The following MED25 variants were observed in gnomAD, a reference collection of about 807,000 sequenced individuals.
MED25 encodes the protein mediator complex subunit 25.
In MED25, 62 loss-of-function variants were observed where a neutral mutation model predicts 89.4. The ratio of observed to expected loss-of-function variants is 0.69; its 90% CI spans 0.57 to 0.86. MED25 has a LOEUF of 0.86. MED25 is among the 40% of genes least tolerant of loss of function. MED25 has a pLI of 0.00. For synonymous variants in MED25, 449 were observed against 427.9 expected (o/e 1.05, Z -0.61); for missense variants, 905 against 1,005.2 (o/e 0.90, Z 1.35).
rs2074084157 is a variant in MED25 at position 49,834,881 on chromosome 19, A to T, written c.1483-105A>T. On this transcript the variant is annotated intron_variant, in intron 13 of 17. Coordinates refer to ENST00000312865, the MANE Select transcript of MED25 (RefSeq NM_030973.4). This position sits in a 1 kb window ranked among gnomAD's most constrained non-coding sequence, Gnocchi z 4.1. ...CTTAACCTTCTATAGCAGAAACCTCACCTCACCTTGCCTGTGGGGCCTCTA... is the reference window on the plus strand; with the variant it reads ...CTTAACCTTCTATAGCAGAAACCTCTCCTCACCTTGCCTGTGGGGCCTCTA... 1.7e-6 allele frequency: 2 copies of T among 1,190,986 alleles called. No homozygotes were observed. The highest frequency in any genetic ancestry group is 2.5e-6 in the Non-Finnish European group (2 of 805,160). 73.8% of individuals were successfully genotyped at this position (1,190,986 alleles called of 1,614,324 possible). A position where few individuals can be genotyped will look rare whatever the true frequency, so the allele number is the denominator to read the frequency against.
chr19:49,827,022 C>T (rs894755596), intron 3 of MED25, among the ~76,000 whole-genome samples: 13 of 152,130 alleles, frequency 8.5e-5, no homozygotes, highest in African/African-American at 9.7e-5. Context: ...ACATGTGCCC[C>T]GCTGTGGTGG....
Position 49,826,408 on chromosome 19 carries a change from G to A in MED25, c.306-2041G>A, listed in dbSNP as rs551594860. ...AAGTGTGTGGTGGGTTGGGAGCAGC[G>A]CCCGAGTGCCCTGAGAGCAGGAAGA... is the stretch of plus-strand genomic sequence containing the variant. On this transcript the variant is annotated intron_variant, in intron 3 of 17. Transcript: ENST00000312865. Among the ~76,000 whole-genome samples the A allele has an allele frequency of 1.2e-3, 177 of 152,302 alleles. 1 individual carries two copies. The highest frequency in any genetic ancestry group is 2.0e-3 in the Admixed American group (30 of 15,308).
chr19:49,832,961 G>C (rs1466017722), intron 13 of MED25: 1 of 188,014 alleles, frequency 5.3e-6, no homozygotes, highest in Non-Finnish European at 1.1e-5. Flanking sequence ...CATTCTCTCT[G>C]TATCTTTGTG....
At chr19:49,832,451 C>T in intron 13 of MED25, 36 bp downstream of exon 13, 2 of 1,226,990 alleles carry the variant, frequency 1.6e-6, no homozygotes, top group Non-Finnish European at 2.4e-6. Flanking sequence ...GGGGTGTTGA[C>T]TCTTGTCCTG....
rs571486366 is a variant in MED25, at chr19:49,831,280, G to A, written c.1102-53G>A. The A allele has an allele frequency of 1.5e-5, 23 of 1,584,422 alleles. No individual in the cohort carries two copies. In the Admixed American group the frequency reaches 2.1e-4, roughly 14 times the overall value. The stretch of plus-strand genomic sequence containing the variant: ...GGTTTGCCCTCACAGGATGGCCCCC[G>A]GAGGCTCCCGGCCTTCCCCATTCTC... On this transcript the variant is annotated intron_variant, in intron 9 of 17. Transcript: ENST00000312865. The surrounding 1 kb of genome is among the most constrained non-coding windows in gnomAD (Gnocchi z 5.0).
chr19:49,836,878 C>T lies in MED25; in HGVS notation c.2178C>T (p.Gly726=). ...GQMLLSGGPR[G]PVPQPGLQPS... ...TGCTGCTGAGCGGGGGTCCCCGGGG[C>T]CCGGTCCCCCAGCCGGGCCTGCAGC... The change falls in exon 18 of 18, where the codon GGC becomes GGT. Residue 726 remains glycine, a synonymous_variant. Transcript: ENST00000312865. The surrounding 1 kb of genome is among the most constrained non-coding windows in gnomAD (Gnocchi z 5.1). 6.2e-7 allele frequency: 1 copy of T among 1,612,352 alleles called. No homozygotes were observed. The highest frequency in any genetic ancestry group is 1.1e-5 in the South Asian group (1 of 90,900).
chr19:49,828,306 G>A, intron 3 of MED25, 143 bp from the exon 4 acceptor site: 3 of 701,640 alleles, frequency 4.3e-6, no homozygotes, highest in Non-Finnish European at 7.9e-6. Context: ...CAGGGATTGG[G>A]TAGGGAACTC....
intron 3 of MED25, among the ~76,000 whole-genome samples, chr19:49,826,601 G>T (rs1039122992): frequency 5.3e-5 from 8 of 152,236 alleles, no homozygotes; most frequent in African/African-American, 1.9e-4. Context: ...CCTAGGGTCA[G>T]ACGCCTTGGT....
At position 49,828,457 on chromosome 19, in the gene MED25, G is replaced by A. The variant is rs1281336559; in HGVS notation, c.314G>A (p.Gly105Asp). Residue 105 changes from glycine to aspartate, a missense_variant, in exon 4 of 18, where the codon GGC becomes GAC. By Grantham distance (94) the Gly-to-Asp change is moderately conservative. Transcript: ENST00000312865. ...VTWLDGIKFMGGGGESCSLIA... is the reference protein window; with the variant it reads ...VTWLDGIKFMDGGGESCSLIA... ...CCGCTCTGCCCCTGCAGGTTCATGG[G>A]CGGGGGTGGTGAGAGCTGCAGCCTC... 1 of 1,613,690 alleles carries A rather than the reference G, an allele frequency of 6.2e-7. No homozygotes were observed. Among genetic ancestry groups the A allele is most frequent in the South Asian group, 1.1e-5 (1 of 91,074 alleles).
In MED25 at chr19:49,830,927, T is replaced by TGCCCCTGCTCCTTCCTCCA; in HGVS notation, c.1101+42_1101+43insCCCTGCTCCTTCCTCCAGC. On this transcript the variant is annotated intron_variant, in intron 9 of 17. Transcript: ENST00000312865. The surrounding 1 kb of genome is among the most constrained non-coding windows in gnomAD (Gnocchi z 4.6). Reference sequence around the variant, plus strand: ...GCCTCCTGCCCCTGCTCCTTCCTCCTGCTGTCCACAGCTAGGACAGTTAGA... The same window carrying TGCCCCTGCTCCTTCCTCCA: ...GCCTCCTGCCCCTGCTCCTTCCTCCTGCCCCTGCTCCTTCCTCCAGCTGTCCACAGCTAGGACAGTTAGA... The TGCCCCTGCTCCTTCCTCCA allele has an allele frequency of 6.3e-7, 1 of 1,580,040 alleles. No homozygotes were observed. The highest frequency in any genetic ancestry group is 8.6e-7 in the Non-Finnish European group (1 of 1,159,508).
rs533964778 is a variant in MED25, at chr19:49,832,041, G to C, written c.1316+20G>C. ...GAACCTGTAGGTGACAGTCAGGGGC[G>C]GGGTGTGGTGGGGCTGGGGCTGGCC... is the stretch of plus-strand genomic sequence containing the variant. On this transcript the variant is annotated intron_variant, in intron 11 of 17. Coordinates refer to ENST00000312865, the MANE Select transcript of MED25 (RefSeq NM_030973.4). 4 of 1,613,784 alleles carry C rather than the reference G, an allele frequency of 2.5e-6. No homozygotes were observed. The African/African-American group carries it at 5.3e-5, about 22-fold the overall frequency.
chr19:49,831,849 T>G lies in MED25; in HGVS notation c.1231-87T>G. 4 of 1,253,586 alleles carry G rather than the reference T, an allele frequency of 3.2e-6. No homozygotes were observed. The highest frequency in any genetic ancestry group is 3.5e-6 in the Non-Finnish European group (3 of 855,204). The allele number at this position is 1,253,586 out of a possible 1,614,324, so 77.7% of individuals were successfully genotyped here. A position where few individuals can be genotyped will look rare whatever the true frequency, so the allele number is the denominator to read the frequency against. On this transcript the variant is annotated intron_variant, in intron 10 of 17. Transcript: ENST00000312865. This position sits in a 1 kb window ranked among gnomAD's most constrained non-coding sequence, Gnocchi z 5.0. ...ACTTAAACTGGGGAACATCCTGAGC[T>G]TTGGGGCTACCAGGGTAGGACATGA...
intron 3 of MED25, among the ~76,000 whole-genome samples, chr19:49,826,057 G>C (rs1332917811): frequency 6.6e-6 from 1 of 152,012 alleles, no homozygotes; most frequent in African/African-American, 2.4e-5. Context: ...AAGCTGTCTT[G>C]ATGCCGGGCA....
chr19:49,835,563 G>T lies in MED25; in HGVS notation c.1704G>T (p.Leu568=). 1 of 1,567,618 alleles carries T rather than the reference G, an allele frequency of 6.4e-7. No individual in the cohort carries two copies. The highest frequency in any genetic ancestry group is 2.4e-5 in the East Asian group (1 of 42,308). Residue 568 remains leucine, a synonymous_variant, in exon 15 of 18, where the codon CTG becomes CTT. Transcript: ENST00000312865. The surrounding 1 kb of genome is among the most constrained non-coding windows in gnomAD (Gnocchi z 6.2). ...GMGGQQAPPG[L]GPILEDQARP... is the part of the protein sequence containing the mutation. ...GGGGACAGCAGGCACCCCCAGGGCT[G>T]GGGCCCATTCTGGAGGACCAAGCCA...
rs1414788040 is a variant in MED25, at chr19:49,835,745, C to T, written c.1765C>T (p.Gln589Ter). The change falls in exon 16 of 18, where the codon CAG (glutamine) becomes TAG (stop). Residue 589 changes from glutamine (Q) to a stop codon, truncating the protein, a stop_gained. Transcript: ENST00000312865. LOFTEE classifies it high-confidence loss of function. This position sits in a 1 kb window ranked among gnomAD's most constrained non-coding sequence, Gnocchi z 6.2. ...CCACCAGCTCCAGCTCCGCCCACCG[C>T]AGCCCCAGCCTCAGGGTACCGTAGG... ...SQNLLQLRPP[Q>*]PQPQGTVGAS... 2 of 1,610,602 alleles carry T rather than the reference C, an allele frequency of 1.2e-6. No individual in the cohort carries two copies. Among genetic ancestry groups the T allele is most frequent in the Non-Finnish European group, 1.7e-6 (2 of 1,178,856 alleles).
At chr19:49,827,565 C>T (rs1009500613) in intron 3 of MED25, among the ~76,000 whole-genome samples, 3 of 152,074 alleles carry the variant, frequency 2.0e-5, no homozygotes, top group African/African-American at 7.2e-5. Context: ...TGTGTGTGTC[C>T]GTGTCCACGT....
At chr19:49,832,613 A>AT (rs890941153) in intron 13 of MED25, among the ~76,000 whole-genome samples, 198 bp downstream of exon 13, 1 of 152,062 alleles carries the variant, frequency 6.6e-6, no homozygotes, top group African/African-American at 2.4e-5. Context: ...GATTTGAGGG[A>AT]TATTCCACAT....
rs768751709 is a variant in MED25 at position 49,830,502 on chromosome 19, T to A, written c.820-9T>A. 3 of 1,613,748 alleles carry A rather than the reference T, an allele frequency of 1.9e-6. No individual in the cohort carries two copies. In the Admixed American group the frequency reaches 5.0e-5, roughly 27 times the overall value. ...ACCAGTCCCTTCCCTTCTTCCCTTC[T>A]ACCCACAGGTTCCCGGGAACCTGAG... On this transcript the variant is annotated splice_polypyrimidine_tract_variant and intron_variant, in intron 7 of 17. Coordinates refer to ENST00000312865, the MANE Select transcript of MED25 (RefSeq NM_030973.4). This position sits in a 1 kb window ranked among gnomAD's most constrained non-coding sequence, Gnocchi z 4.6.
chr19:49,835,736 C>T lies in MED25; in HGVS notation c.1756C>T (p.Arg586Cys), dbSNP rs752175666. 3.8e-5 allele frequency: 61 copies of T among 1,609,904 alleles called. No homozygotes were observed. The highest frequency in any genetic ancestry group is 1.8e-4 in the Admixed American group (11 of 59,844). ...TGTCTCTTCCCACCAGCTCCAGCTC[C>T]GCCCACCGCAGCCCCAGCCTCAGGG... Reference protein sequence around the residue: ...ARPSQNLLQLRPPQPQPQGTV... With the variant: ...ARPSQNLLQLCPPQPQPQGTV... The change falls in exon 16 of 18, where the codon CGC becomes TGC. Residue 586 changes from arginine to cysteine, a missense_variant. Arg to Cys is a radical substitution (Grantham distance 180, BLOSUM62 -3). Coordinates refer to ENST00000312865, the MANE Select transcript of MED25 (RefSeq NM_030973.4). This position sits in a 1 kb window ranked among gnomAD's most constrained non-coding sequence, Gnocchi z 6.2.
Sources: gnomAD v4.1 joint callset for allele counts (sites outside exome capture counted in the v4.1 genomes callset) on GRCh38, gnomAD v4.1.1 for gene constraint, Gnocchi (gnomAD v3.1) non-coding constraint, MANE v1.5 for transcripts, NCBI Gene and HGNC (gene_info 2026-07-23, HGNC 2026-07-21) for gene names.